Variants in PPP1R9A observed in about 807,000 individuals in gnomAD.
PPP1R9A encodes the protein protein phosphatase 1 regulatory subunit 9A, also known as neurabin-1.
Under a neutral mutation model 141.9 loss-of-function variants are expected in PPP1R9A, and 59 were observed. The ratio of observed to expected loss-of-function variants is 0.42; its 90% confidence interval spans 0.34 to 0.52. PPP1R9A has a LOEUF of 0.52. PPP1R9A is among the 20% of genes least tolerant of loss of function. The probability of loss-of-function intolerance (pLI) is 0.10; values close to 1 mark genes in which losing one functional copy is unlikely to be tolerated. For synonymous variants in PPP1R9A, 500 were observed against 569.7 expected (o/e 0.88, Z 1.74); for missense variants, 1,444 against 1,611.9 (o/e 0.90, Z 1.78).
chr7:95,214,286 TG>T (rs376062980), intron 7 of PPP1R9A: 9 of 152,304 alleles, frequency 5.9e-5, no homozygotes, highest in African/African-American at 2.2e-4. Context: ...AATGCTCCAC[TG>T]GGAGAGGATC....
At chr7:95,079,993 CA>C (rs1815541878) in intron 2 of PPP1R9A, among the ~76,000 whole-genome samples, 1 of 152,084 alleles carries the variant, frequency 6.6e-6, no homozygotes, top group Non-Finnish European at 1.5e-5. Flanking sequence ...ACTGAATGGG[CA>C]AAAACTGGAA....
In PPP1R9A at chr7:95,252,467, ATT is replaced by A. The variant is rs71127405; in HGVS notation, c.2665+358_2665+359del. On this transcript the variant is annotated intron_variant, in intron 12 of 19. Transcript: ENST00000433360. ...TTATGTGTTAATGACTAAGGTTTAG[ATT>A]TTTTTTTTTTTTTTTTTTTTGAGAG... Among the ~76,000 whole-genome samples, 800 of 107,018 alleles carry A rather than the reference ATT, an allele frequency of 7.5e-3. 1 individual carries two copies. Among genetic ancestry groups the A allele is most frequent in the African/African-American group, 0.017 (477 of 28,014 alleles). The allele number at this position is 107,018 out of a possible 152,430, so 70.2% of individuals were successfully genotyped here.
chr7:95,107,498 T>G (rs1487375121), intron 2 of PPP1R9A, among the ~76,000 whole-genome samples: 1 of 152,166 alleles, frequency 6.6e-6, no homozygotes. Flanking sequence ...CTTTTGGCAC[T>G]TTTTATATAT....
intron 2 of PPP1R9A, among the ~76,000 whole-genome samples, chr7:95,093,137 G>A (rs928999465): frequency 6.6e-6 from 1 of 151,780 alleles, no homozygotes; most frequent in Admixed American, 6.6e-5. Context: ...TTGTTTTTTT[G>A]GCTCGGGAGA....
intron 5 of PPP1R9A, among the ~76,000 whole-genome samples, chr7:95,185,504 C>G (rs1834519897): frequency 6.6e-6 from 1 of 151,972 alleles, no homozygotes; most frequent in South Asian, 2.1e-4. Context: ...TGAAAACATT[C>G]TTTGCTGTGC....
At chr7:94,992,440 A>G (rs1254176918) in intron 2 of PPP1R9A, among the ~76,000 whole-genome samples, 1 of 152,238 alleles carries the variant, frequency 6.6e-6, no homozygotes, top group African/African-American at 2.4e-5. Flanking sequence ...GCTGCTATGA[A>G]CAGATGTATA....
intron 7 of PPP1R9A, among the ~76,000 whole-genome samples, chr7:95,205,567 C>T (rs1282991280): frequency 6.6e-6 from 1 of 152,162 alleles, no homozygotes; most frequent in Non-Finnish European, 1.5e-5. Flanking sequence ...AGACGGATGC[C>T]TGGGAAACAG....
intron 7 of PPP1R9A, among the ~76,000 whole-genome samples, chr7:95,220,744 A>G (rs1005575276): frequency 6.6e-6 from 1 of 152,138 alleles, no homozygotes; most frequent in East Asian, 1.9e-4. Context: ...AGGCAGATAT[A>G]GAAACATCAA....
rs1241112107 is a variant in PPP1R9A, at chr7:94,910,712, C to T, written c.599C>T (p.Pro200Leu). The change falls in exon 2 of 20, where the codon CCA becomes CTA. Residue 200 changes from proline to leucine, a missense_variant. By Grantham distance (98) the Pro-to-Leu change is moderately conservative (BLOSUM62 -3). This residue lies in a region of PPP1R9A where 490 missense variants were observed against 521.1 expected (regional missense o/e 0.94). Transcript: ENST00000433360. This position sits in a 1 kb window ranked among gnomAD's most constrained non-coding sequence, Gnocchi z 4.5. ...AGCTCCCGAACTGAGGCTGTCTCCC[C>T]AACTGTGAGTCAACTGAGTGCAGTA... is the stretch of plus-strand genomic sequence containing the variant. ...SLSSRTEAVSPTVSQLSAVFE... is the reference protein window; with the variant it reads ...SLSSRTEAVSLTVSQLSAVFE... 1 of 1,614,022 alleles carries T rather than the reference C, an allele frequency of 6.2e-7. No homozygotes were observed. Among genetic ancestry groups the T allele is most frequent in the Non-Finnish European group, 8.5e-7 (1 of 1,180,026 alleles).
At chr7:95,127,507 C>CTTTCT (rs1823776007) in intron 4 of PPP1R9A, among the ~76,000 whole-genome samples, 1 of 145,776 alleles carries the variant, frequency 6.9e-6, no homozygotes, top group Admixed American at 6.8e-5. Flanking sequence ...TTTTTTCTTT[C>CTTTCT]TTTTTTTTTT....
chr7:95,235,198 G>C, intron 8 of PPP1R9A, among the ~76,000 whole-genome samples: 1 of 152,238 alleles, frequency 6.6e-6, no homozygotes, highest in South Asian at 2.1e-4. Context: ...CTTCTGTTCA[G>C]TGAAAGAAAC....
At position 95,292,272 on chromosome 7, in the gene PPP1R9A, A is replaced by C. The variant is rs923969834; in HGVS notation, c.*1969A>C. 2 of 152,642 alleles carry C rather than the reference A, an allele frequency of 1.3e-5. No homozygotes were observed. Among genetic ancestry groups the C allele is most frequent in the African/African-American group, 4.8e-5 (2 of 41,454 alleles). 9.5% of individuals were successfully genotyped at this position (152,642 alleles called of 1,614,324 possible). ...AGAAGCCACTATTAATGAGTGATACAATTTGGCAAAACTTTTCAAATACTA... is the reference window on the plus strand; with the variant it reads ...AGAAGCCACTATTAATGAGTGATACCATTTGGCAAAACTTTTCAAATACTA... On this transcript the variant is annotated 3_prime_UTR_variant, in exon 20 of 20. Coordinates refer to ENST00000433360, the MANE Select transcript of PPP1R9A (RefSeq NM_001166160.2).
Position 94,925,898 on chromosome 7 carries a change from C to T in PPP1R9A, c.1395+14390C>T, listed in dbSNP as rs1272534749. ...CTGGAGTGCAGTGACATGATCACAG[C>T]TCACTACAGCCTCGACCTCTGGGCT... On this transcript the variant is annotated intron_variant, in intron 2 of 19. Transcript: ENST00000433360. 2.6e-5 allele frequency among the ~76,000 whole-genome samples: 4 copies of T among 152,114 alleles called. No individual in the cohort carries two copies. In the East Asian group the frequency reaches 7.7e-4, roughly 29 times the overall value.
In PPP1R9A at chr7:95,290,452, ATT is replaced by A; in HGVS notation, c.*152_*153del. 1.2e-6 allele frequency: 1 copy of A among 844,000 alleles called. No individual in the cohort carries two copies. The highest frequency in any genetic ancestry group is 1.8e-6 in the Non-Finnish European group (1 of 558,300). The allele number at this position is 844,000 out of a possible 1,614,324, so 52.3% of individuals were successfully genotyped here. A position where few individuals can be genotyped will look rare whatever the true frequency, so the allele number is the denominator to read the frequency against. On this transcript the variant is annotated 3_prime_UTR_variant, in exon 20 of 20. Coordinates refer to ENST00000433360, the MANE Select transcript of PPP1R9A (RefSeq NM_001166160.2). ...GAGGAACTGTGTGTTGAATAACTGC[ATT>A]TTCTGCAATAGAATGCACTCTTAAT...
At chr7:95,223,098 T>C (rs1158855414) in intron 7 of PPP1R9A, among the ~76,000 whole-genome samples, 7 of 151,922 alleles carry the variant, frequency 4.6e-5, no homozygotes, top group Admixed American at 4.6e-4. Context: ...AAGTAATAAG[T>C]AGAATCAAGA....
intron 2 of PPP1R9A, among the ~76,000 whole-genome samples, chr7:95,009,422 C>T (rs188014541): frequency 5.9e-5 from 9 of 152,298 alleles, no homozygotes; most frequent in Non-Finnish European, 8.8e-5. Flanking sequence ...TTAACGTCTT[C>T]GCCATCAAGA....
intron 2 of PPP1R9A, among the ~76,000 whole-genome samples, chr7:95,080,243 T>G (rs1815585638): frequency 6.6e-6 from 1 of 152,174 alleles, no homozygotes; most frequent in African/African-American, 2.4e-5. Context: ...CAGCAAAGTC[T>G]CAGGATACAA....
intron 2 of PPP1R9A, among the ~76,000 whole-genome samples, chr7:94,992,095 A>G (rs1357437781): frequency 6.6e-6 from 1 of 152,244 alleles, no homozygotes; most frequent in African/African-American, 2.4e-5. Context: ...CATCATAGCA[A>G]TGAGGAAAAT....
chr7:94,968,252 A>G (rs1259191579), intron 2 of PPP1R9A, among the ~76,000 whole-genome samples: 1 of 151,258 alleles, frequency 6.6e-6, no homozygotes, highest in Non-Finnish European at 1.5e-5. Flanking sequence ...GGCTCACTGC[A>G]AGCTCCGCCT....
Sources: gnomAD v4.1 joint callset for allele counts (sites outside exome capture counted in the v4.1 genomes callset) on GRCh38, gnomAD v4.1.1 for gene constraint, gnomAD v4.1.1 regional missense constraint, Gnocchi (gnomAD v3.1) non-coding constraint, MANE v1.5 for transcripts, NCBI Gene and HGNC (gene_info 2026-07-23, HGNC 2026-07-21) for gene names.